Variants in MAP3K14 observed in about 807,000 individuals in gnomAD.
MAP3K14 encodes the protein mitogen-activated protein kinase kinase kinase 14.
MAP3K14 carries 16 observed loss-of-function variants against 99.2 expected under a neutral mutation model. The observed-to-expected ratio is 0.16, with a 90% confidence interval of 0.11 to 0.24. The LOEUF (loss-of-function observed/expected upper bound fraction) is 0.24. Ranked by LOEUF, MAP3K14 falls within the 10% of genes least tolerant of loss-of-function variation. The pLI is 1.00. For synonymous variants in MAP3K14, 462 were observed against 492.4 expected (o/e 0.94, Z 0.82); for missense variants, 784 against 1,208.7 (o/e 0.65, Z 5.21).
At chr17:45,297,428 T>C (rs1423158631) in intron 1 of MAP3K14, among the ~76,000 whole-genome samples, 1 of 152,246 alleles carries the variant, frequency 6.6e-6, no homozygotes, top group Non-Finnish European at 1.5e-5. Context: ...AGACTTTTAG[T>C]TCAGTTACGC....
Position 45,274,119 on chromosome 17 carries a change from T to G in MAP3K14, c.1552+4A>C. On this transcript the variant is annotated splice_donor_region_variant and intron_variant, in intron 8 of 15. Coordinates refer to ENST00000344686, the MANE Select transcript of MAP3K14 (RefSeq NM_003954.5). ...GGATCAGGGCCGTGGGGCCTGGGCCTTACCTTTGACGTCCCCATGCAGAAT... is the reference window on the plus strand; with the variant it reads ...GGATCAGGGCCGTGGGGCCTGGGCCGTACCTTTGACGTCCCCATGCAGAAT... 9.3e-6 allele frequency: 15 copies of G among 1,609,790 alleles called. No individual in the cohort carries two copies. The highest frequency in any genetic ancestry group is 1.2e-5 in the Non-Finnish European group (14 of 1,177,896).
intron 8 of MAP3K14, 68 bp downstream of exon 8, chr17:45,274,052 AGAG>A (rs1321779697): frequency 5.1e-6 from 8 of 1,558,950 alleles, no homozygotes; most frequent in East Asian, 2.3e-5. Flanking sequence ...CCCAGAACTG[AGAG>A]GAGATCAGAC....
intron 1 of MAP3K14, among the ~76,000 whole-genome samples, chr17:45,311,378 G>T (rs896630301): frequency 6.6e-6 from 1 of 152,228 alleles, no homozygotes; most frequent in African/African-American, 2.4e-5. Context: ...CTTCATTAAA[G>T]TCAAGCCCTC....
rs1211141526 is a variant in MAP3K14, at chr17:45,267,835, C to T, written c.1973-76G>A. ...GCGGTCCAGGCAGGAGCGGCCTCTC[C>T]TGAGTGCAGAAGGGCTAGAGGCAAA... On this transcript the variant is annotated intron_variant, in intron 11 of 15. Transcript: ENST00000344686. This position sits in a 1 kb window ranked among gnomAD's most constrained non-coding sequence, Gnocchi z 5.1. The T allele has an allele frequency of 3.1e-6, 4 of 1,296,722 alleles. No individual in the cohort carries two copies. Among genetic ancestry groups the T allele is most frequent in the Non-Finnish European group, 4.3e-6 (4 of 924,256 alleles). The allele number at this position is 1,296,722 out of a possible 1,614,324, so 80.3% of individuals were successfully genotyped here.
Position 45,267,967 on chromosome 17 carries a change from G to A in MAP3K14, c.1973-208C>T. On this transcript the variant is annotated intron_variant, in intron 11 of 15. Coordinates refer to ENST00000344686, the MANE Select transcript of MAP3K14 (RefSeq NM_003954.5). This position sits in a 1 kb window ranked among gnomAD's most constrained non-coding sequence, Gnocchi z 5.1. The stretch of plus-strand genomic sequence containing the variant: ...AATAAAATGGTCCCAATATGACAGG[G>A]ATAGGACTGGATTTCTGTCTTTGAT... 1 of 499,212 alleles carries A rather than the reference G, an allele frequency of 2.0e-6. No individual in the cohort carries two copies. The highest frequency in any genetic ancestry group is 3.2e-5 in the South Asian group (1 of 31,140). 30.9% of individuals were successfully genotyped at this position (499,212 alleles called of 1,614,324 possible).
At chr17:45,291,048 A>T (rs2044306374) in intron 1 of MAP3K14, 1 of 319,074 alleles carries the variant, frequency 3.1e-6, no homozygotes, top group Non-Finnish European at 6.0e-6. Context: ...TCCCTCTAGG[A>T]GAGCTGTGGC....
intron 3 of MAP3K14, among the ~76,000 whole-genome samples, chr17:45,288,872 C>CT (rs1197332489): frequency 2.0e-5 from 3 of 151,334 alleles, no homozygotes; most frequent in Non-Finnish European, 3.0e-5. Flanking sequence ...CAGTGGAAGG[C>CT]CCCCCCCACC....
At chr17:45,305,010 C>T (rs561121403) in intron 1 of MAP3K14, among the ~76,000 whole-genome samples, 1 of 152,174 alleles carries the variant, frequency 6.6e-6, no homozygotes, top group Non-Finnish European at 1.5e-5. Context: ...ATCAGTGGAA[C>T]CTCCAGTGAG....
chr17:45,292,108 G>A (rs756336500), intron 1 of MAP3K14, among the ~76,000 whole-genome samples: 8 of 152,240 alleles, frequency 5.3e-5, no homozygotes, highest in Non-Finnish European at 1.0e-4. Flanking sequence ...GGTGGGGTTT[G>A]TTGTTCACTA....
rs770380303 is a variant in MAP3K14, at chr17:45,289,251, C to G, written c.311G>C (p.Gly104Ala). 3.1e-6 allele frequency: 5 copies of G among 1,613,870 alleles called. No individual in the cohort carries two copies. The highest frequency in any genetic ancestry group is 4.2e-6 in the Non-Finnish European group (5 of 1,179,840). ...PTFSERIFIA[G>A]SKQYSQSESL... is the part of the protein sequence containing the mutation. ...CCCTGCTTACCTGTACTGTTTGGACCCAGCGATGAAAATGCGTTCTGAAAA... is the reference window on the plus strand; with the variant it reads ...CCCTGCTTACCTGTACTGTTTGGACGCAGCGATGAAAATGCGTTCTGAAAA... Residue 104 changes from glycine to alanine, a missense_variant, in exon 3 of 16, where the codon GGG (glycine) becomes GCG (alanine). Physicochemically the swap from Gly to Ala is moderately conservative, Grantham distance 60 (BLOSUM62 0). This residue lies in a region of MAP3K14 where 188 missense variants were observed against 313.0 expected (regional missense o/e 0.60). Transcript: ENST00000344686.
intron 6 of MAP3K14, among the ~76,000 whole-genome samples, chr17:45,282,383 C>T (rs2044230107): frequency 6.6e-6 from 1 of 151,918 alleles, no homozygotes; most frequent in African/African-American, 2.4e-5. Context: ...TAGTGAGATC[C>T]TGTTTCTACA....
At chr17:45,265,820 C>T (rs544767077) in intron 14 of MAP3K14, among the ~76,000 whole-genome samples, 11 of 152,312 alleles carry the variant, frequency 7.2e-5, no homozygotes, top group Non-Finnish European at 7.3e-5. Flanking sequence ...TCTTCCTGGC[C>T]GTCAGCACCT....
chr17:45,316,292 C>T (rs1166833988), intron 1 of MAP3K14, among the ~76,000 whole-genome samples: 1 of 152,238 alleles, frequency 6.6e-6, no homozygotes, highest in African/African-American at 2.4e-5. Flanking sequence ...GCCTGGTGCC[C>T]AGTGGCTGCA....
intron 6 of MAP3K14, chr17:45,282,291 C>G (rs1377418242): frequency 1.3e-5 from 2 of 151,882 alleles, no homozygotes; most frequent in South Asian, 2.1e-4. Flanking sequence ...AAAATGGGAT[C>G]CTGGTGGGGC....
At chr17:45,302,111 A>C (rs2044393223) in intron 1 of MAP3K14, among the ~76,000 whole-genome samples, 1 of 151,670 alleles carries the variant, frequency 6.6e-6, no homozygotes, top group Non-Finnish European at 1.5e-5. Context: ...CATTACAGGC[A>C]TGAGCCACTG....
chr17:45,306,511 G>A (rs907182380), intron 1 of MAP3K14, among the ~76,000 whole-genome samples: 1 of 152,122 alleles, frequency 6.6e-6, no homozygotes, highest in African/African-American at 2.4e-5. Flanking sequence ...GACTTGTGGT[G>A]GGCCTGTGTT....
chr17:45,275,528 A>C (rs985110558), intron 6 of MAP3K14, among the ~76,000 whole-genome samples: 1 of 151,872 alleles, frequency 6.6e-6, no homozygotes. Flanking sequence ...AAACAAAAAA[A>C]CAAAAAACCC....
intron 1 of MAP3K14, among the ~76,000 whole-genome samples, chr17:45,312,714 T>A (rs532316920): frequency 1.3e-5 from 2 of 151,998 alleles, no homozygotes; most frequent in Non-Finnish European, 2.9e-5. Context: ...AGGCTTCTTG[T>A]GAGATTTAAA....
At chr17:45,311,661 T>A (rs1171640849) in intron 1 of MAP3K14, among the ~76,000 whole-genome samples, 1 of 152,130 alleles carries the variant, frequency 6.6e-6, no homozygotes, top group Admixed American at 6.5e-5. Context: ...AGGCTTGGGA[T>A]TCCTAAAGCT....
Sources: gnomAD v4.1 joint callset for allele counts (sites outside exome capture counted in the v4.1 genomes callset) on GRCh38, gnomAD v4.1.1 for gene constraint, gnomAD v4.1.1 regional missense constraint, Gnocchi (gnomAD v3.1) non-coding constraint, MANE v1.5 for transcripts, NCBI Gene and HGNC (gene_info 2026-07-23, HGNC 2026-07-21) for gene names.